The following DCDC2 variants were observed in gnomAD, a reference collection of about 807,000 sequenced individuals.
DCDC2 encodes doublecortin domain-containing protein 2.
In DCDC2, 40 loss-of-function variants were observed where a neutral mutation model predicts 50.2. The observed-to-expected ratio is 0.80, with a 90% confidence interval of 0.62 to 1.04. DCDC2 has a LOEUF of 1.04. DCDC2 is among the 50% of genes least tolerant of loss of function. The probability of loss-of-function intolerance (pLI) is 0.00; values close to 1 mark genes in which losing one functional copy is unlikely to be tolerated. For synonymous variants in DCDC2, 234 were observed against 210.6 expected, an observed-to-expected ratio of 1.11 and a Z score of -0.96; for missense variants, 570 against 581.9, an observed-to-expected ratio of 0.98 and a Z score of 0.21.
intron 2 of DCDC2, among the ~76,000 whole-genome samples, chr6:24,343,936 A>C (rs917742170): frequency 6.6e-6 from 1 of 152,204 alleles, no homozygotes; most frequent in Non-Finnish European, 1.5e-5. Context: ...GCTAGTTAAC[A>C]TATCTATCAC....
intron 5 of DCDC2, among the ~76,000 whole-genome samples, chr6:24,290,236 G>A (rs1417117301): frequency 6.6e-6 from 1 of 151,320 alleles, no homozygotes; most frequent in Non-Finnish European, 1.5e-5. Context: ...CTCGTGATCC[G>A]CCCGCCTCGG....
chr6:24,257,145 T>C (rs1762912304), intron 7 of DCDC2, among the ~76,000 whole-genome samples: 1 of 152,192 alleles, frequency 6.6e-6, no homozygotes, highest in Non-Finnish European at 1.5e-5. Flanking sequence ...AGAGGCCTTG[T>C]TAATCTCTGT....
At chr6:24,265,438 C>T (rs1224638453) in intron 7 of DCDC2, among the ~76,000 whole-genome samples, 1 of 152,098 alleles carries the variant, frequency 6.6e-6, no homozygotes, top group East Asian at 1.9e-4. Flanking sequence ...ACATATACAG[C>T]TTTATCCAAC....
intron 8 of DCDC2, among the ~76,000 whole-genome samples, chr6:24,188,056 C>T (rs1038531086): frequency 1.3e-5 from 2 of 152,156 alleles, no homozygotes; most frequent in African/African-American, 2.4e-5. Flanking sequence ...ATGTTAAATT[C>T]AATGTATGTT....
chr6:24,254,098 C>T (rs558315837), intron 7 of DCDC2, among the ~76,000 whole-genome samples: 2 of 152,098 alleles, frequency 1.3e-5, no homozygotes, highest in East Asian at 1.9e-4. Context: ...ACACATTAGC[C>T]GAGGCCTACA....
chr6:24,256,744 G>A (rs1027951360), intron 7 of DCDC2, among the ~76,000 whole-genome samples: 19 of 152,152 alleles, frequency 1.2e-4, no homozygotes, highest in Admixed American at 1.2e-3. Context: ...AGTCCAAAGT[G>A]GCTTTTAAAT....
At chr6:24,381,488 C>T in the DCDC2 span, among the ~76,000 whole-genome samples, 135 of 152,300 alleles carry the variant, frequency 8.9e-4, 1 homozygote, top group African/African-American at 3.0e-3. Flanking sequence ...TCTGCCTCAG[C>T]GGCAGGCTTA....
intron 7 of DCDC2, among the ~76,000 whole-genome samples, chr6:24,221,141 T>C (rs537339644): frequency 6.6e-6 from 1 of 152,244 alleles, no homozygotes; most frequent in African/African-American, 2.4e-5. Context: ...TTCATCATCC[T>C]AAAGGATAAT....
At chr6:24,296,409 A>G (rs1246401854) in intron 4 of DCDC2, among the ~76,000 whole-genome samples, 1 of 152,230 alleles carries the variant, frequency 6.6e-6, no homozygotes, top group Non-Finnish European at 1.5e-5. Context: ...TCCTGGGCAA[A>G]GGAACTGGTA....
At chr6:24,280,850 A>C (rs1763454269) in intron 6 of DCDC2, among the ~76,000 whole-genome samples, 1 of 152,172 alleles carries the variant, frequency 6.6e-6, no homozygotes, top group African/African-American at 2.4e-5. Flanking sequence ...CGATTTTAAA[A>C]ATTTAAAAGC....
intron 1 of DCDC2, 161 bp downstream of exon 1, chr6:24,357,297 A>AC (rs1313581353): frequency 1.3e-6 from 1 of 772,056 alleles, no homozygotes; most frequent in Non-Finnish European, 2.0e-6. Context: ...GTCAACCTCT[A>AC]CCCCCCAACT....
At chr6:24,308,309 C>T (rs1759510827) in intron 2 of DCDC2, among the ~76,000 whole-genome samples, 1 of 152,194 alleles carries the variant, frequency 6.6e-6, no homozygotes, top group Non-Finnish European at 1.5e-5. Flanking sequence ...AGAAAGCAAG[C>T]CCTGATTTCA....
At chr6:24,244,783 A>T (rs1366822040) in intron 7 of DCDC2, among the ~76,000 whole-genome samples, 2 of 152,226 alleles carry the variant, frequency 1.3e-5, no homozygotes, top group African/African-American at 4.8e-5. Flanking sequence ...GAAAACTCTG[A>T]CAAAATTTCT....
intron 7 of DCDC2, among the ~76,000 whole-genome samples, chr6:24,226,641 G>A (rs1430200491): frequency 6.6e-6 from 1 of 152,190 alleles, no homozygotes; most frequent in Non-Finnish European, 1.5e-5. Flanking sequence ...CAAAAGTGGA[G>A]GCAGACAACC....
At chr6:24,218,868 T>C (rs1056927939) in intron 7 of DCDC2, among the ~76,000 whole-genome samples, 1 of 152,206 alleles carries the variant, frequency 6.6e-6, no homozygotes, top group Non-Finnish European at 1.5e-5. Context: ...TTTTAACCTA[T>C]GATTGGGGTT....
At chr6:24,190,887 G>A (rs1761298858) in intron 8 of DCDC2, among the ~76,000 whole-genome samples, 1 of 152,168 alleles carries the variant, frequency 6.6e-6, no homozygotes, top group South Asian at 2.1e-4. Flanking sequence ...AGGTTGAGTG[G>A]CCCTCAGAAT....
rs572852468 is a variant in DCDC2 at position 24,241,297 on chromosome 6, C to T, written c.923-36195G>A. 1.1e-3 allele frequency among the ~76,000 whole-genome samples: 164 copies of T among 152,274 alleles called. 1 individual carries two copies. The highest frequency in any genetic ancestry group is 3.4e-3 in the Middle Eastern group (1 of 294). ...TGGTGAGTTTTACACTTTTACATTG[C>T]TGCATTTTCTACATGGAGCCTCCAG... On this transcript the variant is annotated intron_variant, in intron 7 of 9. Coordinates refer to ENST00000378454, the MANE Select transcript of DCDC2 (RefSeq NM_016356.5).
At chr6:24,330,849 C>G (rs772581940) in intron 2 of DCDC2, among the ~76,000 whole-genome samples, 1 of 152,176 alleles carries the variant, frequency 6.6e-6, no homozygotes, top group Non-Finnish European at 1.5e-5. Context: ...AACCCTTACG[C>G]AGCAGAGTAG....
intron 2 of DCDC2, among the ~76,000 whole-genome samples, chr6:24,324,642 G>A (rs1759826913): frequency 6.6e-6 from 1 of 152,120 alleles, no homozygotes. Flanking sequence ...CCAACACTTT[G>A]GGAGGCCAAA....
Sources: gnomAD v4.1 joint callset for allele counts (sites outside exome capture counted in the v4.1 genomes callset) on GRCh38, gnomAD v4.1.1 for gene constraint, MANE v1.5 for transcripts, NCBI Gene and HGNC (gene_info 2026-07-23, HGNC 2026-07-21) for gene names.